PRRT1B: variants seen among roughly 807,000 people sequenced by gnomAD.
The protein encoded by PRRT1B is proline rich transmembrane protein 1B, also known as dispanin subfamily D member 2.
intron 1 of PRRT1B, among the ~76,000 whole-genome samples, chr9:131,548,072 C>T (rs1950987363): frequency 6.6e-6 from 1 of 152,168 alleles, no homozygotes; most frequent in Admixed American, 6.5e-5. Flanking sequence ...CATTCACCCA[C>T]ATTCCCTTGG....
At chr9:131,552,335 G>A (rs1951017444) in intron 1 of PRRT1B, among the ~76,000 whole-genome samples, 1 of 152,214 alleles carries the variant, frequency 6.6e-6, no homozygotes, top group Non-Finnish European at 1.5e-5. Flanking sequence ...TATAATGGCT[G>A]CTTTTTCTGA....
At chr9:131,547,511 G>C (rs4740270) in intron 1 of PRRT1B, among the ~76,000 whole-genome samples, 152,295 of 152,318 alleles carry the variant, frequency 1, 76,136 homozygotes, top group Non-Finnish European at 1. Context: ...CCCACCCCAT[G>C]TCCCTTCGCT....
intron 1 of PRRT1B, among the ~76,000 whole-genome samples, chr9:131,554,116 A>C (rs1588550985): frequency 6.6e-6 from 1 of 151,514 alleles, no homozygotes; most frequent in Middle Eastern, 3.4e-3. Flanking sequence ...CTCCCCTACA[A>C]CTCCAAGCCA....
chr9:131,554,062 A>G (rs939874693), intron 1 of PRRT1B, among the ~76,000 whole-genome samples: 1 of 152,038 alleles, frequency 6.6e-6, no homozygotes, highest in Non-Finnish European at 1.5e-5. Flanking sequence ...TGGCTCCACC[A>G]TGTTACTCTA....
chr9:131,549,767 A>G (rs1195913092), intron 1 of PRRT1B, among the ~76,000 whole-genome samples: 1 of 151,730 alleles, frequency 6.6e-6, no homozygotes, highest in Non-Finnish European at 1.5e-5. Flanking sequence ...AAACTCCCCA[A>G]CTCTGCCAAC....
At chr9:131,556,268 C>T (rs1951049070) in intron 3 of PRRT1B, 55 bp downstream of exon 3, 3 of 400,292 alleles carry the variant, frequency 7.5e-6, no homozygotes, top group Non-Finnish European at 8.8e-6. Context: ...GCCACTGGCG[C>T]CCCAGTGGGT....
At chr9:131,558,520 G>A (rs957523805) in exon 4 of PRRT1B, 8 of 241,778 alleles carry the variant, frequency 3.3e-5, no homozygotes, top group African/African-American at 6.7e-5. Context: ...GGCCTTCCTG[G>A]GACTCCTCTT....
In PRRT1B at chr9:131,554,570, AG is replaced by A; in HGVS notation, c.44del (p.Gly15AlafsTer176). ...ATTTCTTTCTAGGGTCCGACACGAA[AG>A]GGGGCGGCAGCCCCGCCACCCCCGA... On this transcript the variant is annotated frameshift_variant, in exon 2 of 4. Coordinates refer to ENST00000636672, the Ensembl canonical transcript of PRRT1B. LOFTEE classifies it high-confidence loss of function. 2 of 395,442 alleles carry A rather than the reference AG, an allele frequency of 5.1e-6. No individual in the cohort carries two copies. Among genetic ancestry groups the A allele is most frequent in the Non-Finnish European group, 8.9e-6 (2 of 223,864 alleles). 24.5% of individuals were successfully genotyped at this position (395,442 alleles called of 1,614,324 possible). A position where few individuals can be genotyped will look rare whatever the true frequency, so the allele number is the denominator to read the frequency against.
At chr9:131,557,987 G>T in intron 3 of PRRT1B, 66 bp from the exon 4 acceptor site, 1 of 398,394 alleles carries the variant, frequency 2.5e-6, no homozygotes, top group South Asian at 1.3e-4. Flanking sequence ...GCCCTCAATC[G>T]CACTGGGAGG....
At chr9:131,550,897 A>C (rs1588549564) in intron 1 of PRRT1B, among the ~76,000 whole-genome samples, 1 of 130,212 alleles carries the variant, frequency 7.7e-6, no homozygotes, top group African/African-American at 2.8e-5. Context: ...TCTTATTCGG[A>C]CCTTGTGTCT....
At chr9:131,546,520 C>A (rs1437434235) in intron 1 of PRRT1B, among the ~76,000 whole-genome samples, 1 of 152,050 alleles carries the variant, frequency 6.6e-6, no homozygotes, top group African/African-American at 2.4e-5. Context: ...CACTCCCCGC[C>A]CCCTCATCCC....
chr9:131,548,737 G>A (rs142981860), intron 1 of PRRT1B, among the ~76,000 whole-genome samples: 152 of 152,028 alleles, frequency 1.0e-3, no homozygotes, highest in African/African-American at 3.4e-3. Context: ...GCTGCTCTGC[G>A]CCAGGCTGAG....
exon 4 of PRRT1B, chr9:131,558,451 G>A (rs149223950): frequency 4.1e-4 from 142 of 350,092 alleles, no homozygotes; most frequent in African/African-American, 2.6e-3. Flanking sequence ...TCCAGAGCCC[G>A]GCCCCAGCCG....
At chr9:131,554,391 C>G (rs1042887208) in intron 1 of PRRT1B, among the ~76,000 whole-genome samples, 166 bp from the exon 2 acceptor site, 1 of 152,150 alleles carries the variant, frequency 6.6e-6, no homozygotes, top group Non-Finnish European at 1.5e-5. Context: ...GTGACTCCAG[C>G]AAGGCAGGTG....
exon 2 of PRRT1B, chr9:131,554,564 C>A: frequency 2.5e-6 from 1 of 395,776 alleles, no homozygotes; most frequent in Non-Finnish European, 4.5e-6. Flanking sequence ...TAGGGTCCGA[C>A]ACGAAAGGGG....
chr9:131,550,198 A>G (rs995337128), intron 1 of PRRT1B, among the ~76,000 whole-genome samples: 15 of 152,206 alleles, frequency 9.9e-5, no homozygotes, highest in African/African-American at 3.6e-4. Flanking sequence ...CTCACAGGCT[A>G]GTTCAGGATC....
chr9:131,545,559 C>G, exon 1 of PRRT1B: 1 of 396,776 alleles, frequency 2.5e-6, no homozygotes. Context: ...GCCGGCCCGA[C>G]GGCAGGCGCC....
At chr9:131,550,540 C>T (rs1951003657) in intron 1 of PRRT1B, among the ~76,000 whole-genome samples, 1 of 152,218 alleles carries the variant, frequency 6.6e-6, no homozygotes. Flanking sequence ...TCTCTCCCTG[C>T]TGATCGTGTG....
chr9:131,547,193 G>C (rs1458873891), intron 1 of PRRT1B, among the ~76,000 whole-genome samples: 1 of 150,064 alleles, frequency 6.7e-6, no homozygotes, highest in African/African-American at 2.5e-5. Context: ...CTCCCAAGTA[G>C]CTAGGATTAC....
Sources: gnomAD v4.1 joint callset for allele counts (sites outside exome capture counted in the v4.1 genomes callset) on GRCh38, gnomAD v4.1.1 for gene constraint, MANE v1.5 for transcripts, NCBI Gene and HGNC (gene_info 2026-07-23, HGNC 2026-07-21) for gene names.